ATP10B: variants seen among roughly 807,000 people sequenced by gnomAD.
ATP10B encodes the protein phospholipid-transporting ATPase VB.
In ATP10B, 122 loss-of-function variants were observed where a neutral mutation model predicts 141.2. The ratio of observed to expected loss-of-function variants is 0.86; its 90% CI spans 0.75 to 1.00. ATP10B has a LOEUF of 1.00. ATP10B is among the 50% of genes least tolerant of loss of function. ATP10B has a pLI of 0.00. For missense variants in ATP10B, 1,876 were observed against 1,825.3 expected (o/e 1.03, Z -0.51); for synonymous variants, 685 against 692.0 (o/e 0.99, Z 0.16).
rs548842581 is a variant in ATP10B at position 160,628,776 on chromosome 5, G to T, written c.1620+3353C>A. On this transcript the variant is annotated intron_variant, in intron 13 of 25. Transcript: ENST00000327245. The stretch of plus-strand genomic sequence containing the variant: ...TGAAATCTTGGCTGCGTACAGACAA[G>T]GAGAAAAAAAACCCATTTCATTTTC... 1.2e-4 allele frequency among the ~76,000 whole-genome samples: 18 copies of T among 152,084 alleles called. No homozygotes were observed. In the South Asian group the frequency reaches 3.5e-3, roughly 30 times the overall value.
At chr5:160,848,491 A>G (rs1753573381) in intron 1 of ATP10B, among the ~76,000 whole-genome samples, 1 of 152,212 alleles carries the variant, frequency 6.6e-6, no homozygotes, top group South Asian at 2.1e-4. Context: ...GCATTTCTCT[A>G]AATACATTCA....
chr5:160,808,932 C>G (rs1212679235), intron 1 of ATP10B, among the ~76,000 whole-genome samples: 1 of 152,168 alleles, frequency 6.6e-6, no homozygotes, highest in Non-Finnish European at 1.5e-5. Flanking sequence ...CTGTTCCATG[C>G]TTCTTCCCTG....
chr5:160,587,487 G>A (rs143426646), intron 24 of ATP10B, among the ~76,000 whole-genome samples: 1 of 152,196 alleles, frequency 6.6e-6, no homozygotes, highest in African/African-American at 2.4e-5. Flanking sequence ...TGGTAGTTTG[G>A]GAATAGCATT....
intron 13 of ATP10B, among the ~76,000 whole-genome samples, chr5:160,623,393 G>A (rs1258498159): frequency 6.6e-6 from 1 of 152,180 alleles, no homozygotes; most frequent in African/African-American, 2.4e-5. Flanking sequence ...GGTGGTGGGA[G>A]CTATGAGACC....
upstream of ATP10B, among the ~76,000 whole-genome samples, chr5:160,854,481 GTCCCTGCAAAGGACATGAAC>G (rs1753948062): frequency 6.6e-6 from 1 of 152,112 alleles, no homozygotes; most frequent in Non-Finnish European, 1.5e-5. Flanking sequence ...CTTCATCCAT[GTCCCTGCAAAGGACATGAAC>G]TCATCCTTTT....
rs367676334 is a variant in ATP10B, at chr5:160,709,608, A to T, written c.-205+7301T>A. 4.8e-3 allele frequency among the ~76,000 whole-genome samples: 686 copies of T among 143,216 alleles called. 5 individuals carry two copies. Among genetic ancestry groups the T allele is most frequent in the African/African-American group, 0.014 (532 of 39,096 alleles). The allele number at this position is 143,216 out of a possible 152,430, so 94.0% of individuals were successfully genotyped here. ...TTCATAAACAAATTTTTTTTTTTTA[A>T]TTTTTTTTTTTTTATTATACTCTAA... On this transcript the variant is annotated intron_variant, in intron 3 of 25. Coordinates refer to ENST00000327245, the MANE Select transcript of ATP10B (RefSeq NM_025153.3).
chr5:160,815,531 C>A (rs1581586546), intron 1 of ATP10B, among the ~76,000 whole-genome samples: 1 of 151,928 alleles, frequency 6.6e-6, no homozygotes, highest in East Asian at 1.9e-4. Context: ...CCTTAGAGAC[C>A]TACAAAGAGA....
intron 21 of ATP10B, among the ~76,000 whole-genome samples, chr5:160,601,951 T>C (rs1757119748): frequency 6.6e-6 from 1 of 152,180 alleles, no homozygotes; most frequent in South Asian, 2.1e-4. Context: ...TGACGTACTT[T>C]TCACCCTCAC....
At chr5:160,585,613 C>CA (rs1334892420) in intron 24 of ATP10B, among the ~76,000 whole-genome samples, 1 of 152,150 alleles carries the variant, frequency 6.6e-6, no homozygotes, top group Non-Finnish European at 1.5e-5. Flanking sequence ...AAAAAACAAA[C>CA]AAAAAACCAA....
the ATP10B span, among the ~76,000 whole-genome samples, chr5:160,920,061 C>A: frequency 6.6e-6 from 1 of 152,090 alleles, no homozygotes; most frequent in Admixed American, 6.6e-5. Context: ...ATGCTTAAAG[C>A]AAAATAAGCA....
chr5:160,757,996 C>T (rs1320891278), intron 2 of ATP10B, among the ~76,000 whole-genome samples: 1 of 152,082 alleles, frequency 6.6e-6, no homozygotes, highest in Non-Finnish European at 1.5e-5. Context: ...GTAAAATCAC[C>T]CTGGTTGAGA....
At chr5:160,856,415 G>A (rs547505162), upstream of ATP10B, among the ~76,000 whole-genome samples, 2 of 151,744 alleles carry the variant, frequency 1.3e-5, no homozygotes, top group East Asian at 3.9e-4. Flanking sequence ...TAGATTCCTT[G>A]GATTTTCTAC....
At position 160,563,268 on chromosome 5, in the gene ATP10B, G is replaced by A. The variant is rs561173585; in HGVS notation, c.*2185C>T. On this transcript the variant is annotated 3_prime_UTR_variant, in exon 26 of 26. Transcript: ENST00000327245. ...TAGTGGTTATAACTTTTCCCTGTAA[G>A]ATGGCACATTGGATGGTCACAGTTG... 2.6e-5 allele frequency: 4 copies of A among 152,288 alleles called. No individual in the cohort carries two copies. Among genetic ancestry groups the A allele is most frequent in the South Asian group, 4.1e-4 (2 of 4,820 alleles). The allele number at this position is 152,288 out of a possible 1,614,324, so 9.4% of individuals were successfully genotyped here.
chr5:160,657,927 G>A lies in ATP10B; in HGVS notation c.676-8671C>T, dbSNP rs553148951. Among the ~76,000 whole-genome samples, 216 of 152,320 alleles carry A rather than the reference G, an allele frequency of 1.4e-3. 2 individuals are homozygous for A. The highest frequency in any genetic ancestry group is 2.9e-3 in the Admixed American group (45 of 15,294). On this transcript the variant is annotated intron_variant, in intron 7 of 25. Transcript: ENST00000327245. ...GGCAGGTGCCATCAGATGGCCAGTGGCACCTTAAGGGAGTATTACACAGAC... is the reference window on the plus strand; with the variant it reads ...GGCAGGTGCCATCAGATGGCCAGTGACACCTTAAGGGAGTATTACACAGAC...
chr5:160,838,687 A>T (rs1233280922), intron 1 of ATP10B, among the ~76,000 whole-genome samples: 1 of 152,166 alleles, frequency 6.6e-6, no homozygotes, highest in Non-Finnish European at 1.5e-5. Flanking sequence ...CCAGAGAACG[A>T]TGTGGAGTAA....
At chr5:160,864,138 G>A in the ATP10B span, among the ~76,000 whole-genome samples, 1 of 151,710 alleles carries the variant, frequency 6.6e-6, no homozygotes, top group African/African-American at 2.4e-5. Flanking sequence ...TAAAAAATAG[G>A]AAAACTACAG....
At chr5:160,848,526 G>T (rs984039264) in intron 1 of ATP10B, among the ~76,000 whole-genome samples, 5 of 152,172 alleles carry the variant, frequency 3.3e-5, no homozygotes, top group African/African-American at 1.2e-4. Context: ...ACATAATTTT[G>T]CTAATCCACG....
intron 1 of ATP10B, among the ~76,000 whole-genome samples, chr5:160,823,021 TATATATATATATATAAA>T (rs1774284869): frequency 3.2e-5 from 4 of 124,882 alleles, no homozygotes; most frequent in South Asian, 5.6e-4. Flanking sequence ...TATATATATA[TATATATATATATATAAA>T]ATAAAGAGTG....
In ATP10B at chr5:160,773,573, G is replaced by A. The variant is rs118042263; in HGVS notation, c.-331+11986C>T. Among the ~76,000 whole-genome samples the A allele has an allele frequency of 1.4e-3, 219 of 152,278 alleles. 1 individual carries two copies. In the East Asian group the frequency reaches 0.02, roughly 14 times the overall value. On this transcript the variant is annotated intron_variant, in intron 2 of 25. Transcript: ENST00000327245. ...TTAGGTATATTAGCAGCTCCAGAGC[G>A]GCTAATAGCTGAAGAGTTATAGATT... is the stretch of plus-strand genomic sequence containing the variant.
Sources: gnomAD v4.1 joint callset for allele counts (sites outside exome capture counted in the v4.1 genomes callset) on GRCh38, gnomAD v4.1.1 for gene constraint, MANE v1.5 for transcripts, NCBI Gene and HGNC (gene_info 2026-07-23, HGNC 2026-07-21) for gene names.